CNTNAP2: variants seen among roughly 807,000 people sequenced by gnomAD.
CNTNAP2 encodes contactin-associated protein-like 2.
In CNTNAP2, 98 loss-of-function variants were observed where a neutral mutation model predicts 155.2. The ratio of observed to expected loss-of-function variants is 0.63; its 90% CI spans 0.54 to 0.75. The LOEUF (loss-of-function observed/expected upper bound fraction) is 0.75, where lower values mean the gene tolerates loss of function less well. Among genes scored for constraint, CNTNAP2 ranks in the 30% least tolerant of loss-of-function variants. The pLI is 0.00. For synonymous variants in CNTNAP2, 651 were observed against 631.2 expected, an observed-to-expected ratio of 1.03 and a Z score of -0.47; for missense variants, 1,727 against 1,688.1, an observed-to-expected ratio of 1.02 and a Z score of -0.40.
rs1389632905 is a variant in CNTNAP2 at position 146,238,017 on chromosome 7, A to G, written c.97+121044A>G. Among the ~76,000 whole-genome samples, 5 of 152,310 alleles carry G rather than the reference A, an allele frequency of 3.3e-5. No individual in the cohort carries two copies. The East Asian group carries it at 7.7e-4, about 24-fold the overall frequency. On this transcript the variant is annotated intron_variant, in intron 1 of 23. Coordinates refer to ENST00000361727, the MANE Select transcript of CNTNAP2 (RefSeq NM_014141.6). ...TTGTTCCAAAAGCAAGCTTATGTAT[A>G]TGATTGTTTTTATTTTCTATGTAGA... is the stretch of plus-strand genomic sequence containing the variant.
intron 3 of CNTNAP2, among the ~76,000 whole-genome samples, chr7:147,011,648 C>A (rs1054961911): frequency 1.7e-5 from 1 of 59,880 alleles, no homozygotes; most frequent in Non-Finnish European, 3.8e-5. Context: ...CACTCATTCT[C>A]CTCTGAGACA....
At chr7:147,659,363 G>T (rs1795578811) in intron 13 of CNTNAP2, among the ~76,000 whole-genome samples, 1 of 152,154 alleles carries the variant, frequency 6.6e-6, no homozygotes, top group African/African-American at 2.4e-5. Flanking sequence ...TCATATTAGA[G>T]ATTTCAATTT....
At chr7:146,509,759 A>G (rs1797439388) in intron 1 of CNTNAP2, among the ~76,000 whole-genome samples, 1 of 152,100 alleles carries the variant, frequency 6.6e-6, no homozygotes, top group Non-Finnish European at 1.5e-5. Flanking sequence ...CCTGTGCTGC[A>G]TCCTGCAGGG....
chr7:147,516,619 T>TGC (rs1491533305), intron 11 of CNTNAP2, among the ~76,000 whole-genome samples: 493 of 13,430 alleles, frequency 0.037, 5 homozygotes, highest in African/African-American at 0.094. Context: ...AGAGAGAGAA[T>TGC]GTGTGTGTGT....
At chr7:146,719,262 A>C (rs1801243796) in intron 1 of CNTNAP2, among the ~76,000 whole-genome samples, 1 of 152,202 alleles carries the variant, frequency 6.6e-6, no homozygotes, top group Non-Finnish European at 1.5e-5. Flanking sequence ...GGCTACAAAG[A>C]AATGCAGTGC....
intron 2 of CNTNAP2, among the ~76,000 whole-genome samples, chr7:146,804,908 G>A (rs773102873): frequency 6.6e-5 from 10 of 152,128 alleles, no homozygotes; most frequent in Non-Finnish European, 1.0e-4. Context: ...TTTCAATACT[G>A]CAAGTCCTCA....
intron 9 of CNTNAP2, among the ~76,000 whole-genome samples, chr7:147,321,018 C>T (rs975770111): frequency 1.8e-4 from 27 of 152,190 alleles, no homozygotes; most frequent in African/African-American, 6.3e-4. Flanking sequence ...TATTTTCTTT[C>T]AGGCAGTTCT....
chr7:147,756,452 T>G (rs1420486010), intron 13 of CNTNAP2, among the ~76,000 whole-genome samples: 1 of 152,206 alleles, frequency 6.6e-6, no homozygotes, highest in Admixed American at 6.5e-5. Flanking sequence ...ACACAGACAG[T>G]AGCAGAAAGT....
At chr7:147,328,191 A>G (rs972765400) in intron 9 of CNTNAP2, among the ~76,000 whole-genome samples, 8 of 152,190 alleles carry the variant, frequency 5.3e-5, no homozygotes, top group Non-Finnish European at 1.2e-4. Flanking sequence ...TGAGTTTCCA[A>G]CTGGAAATGG....
intron 1 of CNTNAP2, among the ~76,000 whole-genome samples, chr7:146,750,344 C>T (rs1401012409): frequency 6.6e-6 from 1 of 152,140 alleles, no homozygotes; most frequent in Non-Finnish European, 1.5e-5. Context: ...GATAATCTCT[C>T]CTCTCTGCTC....
intron 21 of CNTNAP2, among the ~76,000 whole-genome samples, chr7:148,275,301 C>A (rs1796852993): frequency 6.6e-6 from 1 of 152,026 alleles, no homozygotes; most frequent in Non-Finnish European, 1.5e-5. Flanking sequence ...GTATAGAATT[C>A]TTTGGGAGCA....
chr7:146,684,117 TG>T (rs984044354), intron 1 of CNTNAP2, among the ~76,000 whole-genome samples: 3 of 152,198 alleles, frequency 2.0e-5, no homozygotes, highest in African/African-American at 7.2e-5. Flanking sequence ...GAGGTTCCCT[TG>T]ATCCATTGCT....
chr7:146,637,179 C>T (rs949227360), intron 1 of CNTNAP2, among the ~76,000 whole-genome samples: 10 of 152,130 alleles, frequency 6.6e-5, no homozygotes, highest in Admixed American at 1.3e-4. Flanking sequence ...GCAGTAGCAT[C>T]GTAAGACTTT....
chr7:146,454,136 A>G (rs1407558566), intron 1 of CNTNAP2, among the ~76,000 whole-genome samples: 1 of 152,222 alleles, frequency 6.6e-6, no homozygotes, highest in Admixed American at 6.5e-5. Flanking sequence ...CTTCTTGAGT[A>G]GGATTGAATG....
intron 1 of CNTNAP2, among the ~76,000 whole-genome samples, chr7:146,378,168 C>T (rs1165057041): frequency 2.0e-5 from 3 of 152,118 alleles, no homozygotes; most frequent in African/African-American, 7.2e-5. Context: ...GAGGGCAATA[C>T]AGGAAATAAT....
intron 11 of CNTNAP2, among the ~76,000 whole-genome samples, chr7:147,523,010 A>T (rs1052741549): frequency 1.3e-5 from 2 of 152,142 alleles, no homozygotes; most frequent in East Asian, 3.9e-4. Context: ...AAAGCAAGAA[A>T]CTCATTATTT....
chr7:146,982,538 G>A (rs1390152592), intron 3 of CNTNAP2, among the ~76,000 whole-genome samples: 1 of 152,144 alleles, frequency 6.6e-6, no homozygotes, highest in East Asian at 1.9e-4. Flanking sequence ...ATGGAGAAGG[G>A]TATTTCTTCA....
intron 1 of CNTNAP2, among the ~76,000 whole-genome samples, chr7:146,549,043 TAA>T (rs1798075158): frequency 6.6e-6 from 1 of 151,530 alleles, no homozygotes; most frequent in Non-Finnish European, 1.5e-5. Context: ...ATGTGTAGTA[TAA>T]GAGTCCAATT....
chr7:148,330,159 G>A (rs957728940), intron 21 of CNTNAP2, among the ~76,000 whole-genome samples: 7 of 151,674 alleles, frequency 4.6e-5, no homozygotes, highest in East Asian at 1.9e-4. Context: ...GGAGTGGATG[G>A]ATGGAGTGGA....
Sources: gnomAD v4.1 joint callset for allele counts (sites outside exome capture counted in the v4.1 genomes callset) on GRCh38, gnomAD v4.1.1 for gene constraint, MANE v1.5 for transcripts, NCBI Gene and HGNC (gene_info 2026-07-23, HGNC 2026-07-21) for gene names.